SNX14: variants seen among roughly 807,000 people sequenced by gnomAD.
SNX14 encodes sorting nexin 14.
Under a neutral mutation model 133.8 loss-of-function variants are expected in SNX14, and 93 were observed. The observed-to-expected ratio is 0.70, with a 90% CI of 0.59 to 0.83. SNX14 has a LOEUF of 0.83. Among genes scored for constraint, SNX14 ranks in the 40% least tolerant of loss-of-function variants. The probability of loss-of-function intolerance (pLI) is 0.00; values close to 1 mark genes in which losing one functional copy is unlikely to be tolerated. For synonymous variants in SNX14, 368 were observed against 365.6 expected, an observed-to-expected ratio of 1.01 and a Z score of -0.07; for missense variants, 945 against 1,094.9, an observed-to-expected ratio of 0.86 and a Z score of 1.93.
At chr6:85,577,272 GCTGGGC>G (rs1307802112) in intron 1 of SNX14, among the ~76,000 whole-genome samples, 5 of 152,038 alleles carry the variant, frequency 3.3e-5, no homozygotes, top group African/African-American at 7.2e-5. Context: ...ATAAAAATTG[GCTGGGC>G]ATGGTGGCGC....
chr6:85,509,544 G>A (rs1211526054), intron 26 of SNX14, among the ~76,000 whole-genome samples: 1 of 152,116 alleles, frequency 6.6e-6, no homozygotes, highest in Non-Finnish European at 1.5e-5. Flanking sequence ...TTTTAAAGTA[G>A]TTTTGTGTTC....
chr6:85,540,996 C>CTT lies in SNX14; in HGVS notation c.1448+987_1448+988dup, dbSNP rs748469763. On this transcript the variant is annotated intron_variant, in intron 15 of 28. Coordinates refer to ENST00000314673, the MANE Select transcript of SNX14 (RefSeq NM_153816.6). ...ATAATAAGTTAAAAGAGTTTCTTAACTTTTTTTTTTTTTTTTTGAAACAGT... is the reference window on the plus strand; with the variant it reads ...ATAATAAGTTAAAAGAGTTTCTTAACTTTTTTTTTTTTTTTTTTTGAAACAGT... Among the ~76,000 whole-genome samples the CTT allele has an allele frequency of 3.3e-3, 455 of 138,108 alleles. 3 individuals are homozygous for CTT. The highest frequency in any genetic ancestry group is 0.011 in the African/African-American group (413 of 37,826). 90.6% of individuals were successfully genotyped at this position (138,108 alleles called of 152,430 possible). A position where few individuals can be genotyped will look rare whatever the true frequency, so the allele number is the denominator to read the frequency against.
At chr6:85,580,007 G>A (rs1798554292) in intron 1 of SNX14, among the ~76,000 whole-genome samples, 1 of 152,154 alleles carries the variant, frequency 6.6e-6, no homozygotes, top group African/African-American at 2.4e-5. Flanking sequence ...TGTTTACCAA[G>A]GCAGCTAAGG....
rs1021117782 is a variant in SNX14 at position 85,534,192 on chromosome 6, G to A, written c.1609-392C>T. Among the ~76,000 whole-genome samples, 13 of 152,172 alleles carry A rather than the reference G, an allele frequency of 8.5e-5. No homozygotes were observed. The South Asian group carries it at 1.0e-3, about 12-fold the overall frequency. ...TCTGAAAGATAATGTCAGGCTGGGCGCATTGGCTTTCACCTGTAATCCCAG... is the reference window on the plus strand; with the variant it reads ...TCTGAAAGATAATGTCAGGCTGGGCACATTGGCTTTCACCTGTAATCCCAG... On this transcript the variant is annotated intron_variant, in intron 17 of 28. Coordinates refer to ENST00000314673, the MANE Select transcript of SNX14 (RefSeq NM_153816.6).
intron 17 of SNX14, among the ~76,000 whole-genome samples, chr6:85,536,581 G>A (rs1782020342): frequency 6.6e-6 from 1 of 151,972 alleles, no homozygotes; most frequent in South Asian, 2.1e-4. Flanking sequence ...ACAGTTCTCA[G>A]GAATTTTAAA....
intron 12 of SNX14, among the ~76,000 whole-genome samples, chr6:85,544,448 G>A (rs1784852126): frequency 6.6e-6 from 1 of 152,150 alleles, no homozygotes. Context: ...TATAACTGGA[G>A]TTGTTAAAGA....
In SNX14 at chr6:85,538,864, T is replaced by A; in HGVS notation, c.1449A>T (p.Arg483Ser). The A allele has an allele frequency of 1.3e-6, 2 of 1,596,606 alleles. No individual in the cohort carries two copies. Among genetic ancestry groups the A allele is most frequent in the Non-Finnish European group, 1.7e-6 (2 of 1,172,994 alleles). Residue 483 changes from arginine (R) to serine (S), a missense_variant and splice_region_variant, in exon 16 of 29, where the codon AGA becomes AGT. By Grantham distance (110) the Arg-to-Ser change is moderately radical. Coordinates refer to ENST00000314673, the MANE Select transcript of SNX14 (RefSeq NM_153816.6). ...GAAAATCATCCAAACTTAGGCTACC[T>A]CTGCAATAACAGGTATGTGAAATAA... ...ESPTRNSKLNRGSLSLDDFRN... is the reference protein window; with the variant it reads ...ESPTRNSKLNSGSLSLDDFRN...
At chr6:85,537,134 G>A (rs1007317028) in intron 16 of SNX14, 2 of 394,108 alleles carry the variant, frequency 5.1e-6, no homozygotes, top group Non-Finnish European at 8.9e-6. Flanking sequence ...TAAATTTGGT[G>A]GATGAATAAA....
chr6:85,515,091 C>G (rs1234251643), intron 23 of SNX14, among the ~76,000 whole-genome samples: 2 of 151,604 alleles, frequency 1.3e-5, no homozygotes, highest in South Asian at 4.2e-4. Context: ...ATGGTGAAAC[C>G]CCATCTCTAC....
At chr6:85,586,668 A>T (rs1416736352) in intron 1 of SNX14, among the ~76,000 whole-genome samples, 3 of 151,624 alleles carry the variant, frequency 2.0e-5, no homozygotes, top group Non-Finnish European at 4.4e-5. Flanking sequence ...GTAGCCTTGA[A>T]CTCTTGGCTC....
chr6:85,512,089 T>C (rs2127781758), intron 26 of SNX14, among the ~76,000 whole-genome samples: 1 of 152,308 alleles, frequency 6.6e-6, no homozygotes, highest in East Asian at 1.9e-4. Context: ...GAGTTGGGTA[T>C]TTCCCTTCTT....
intron 17 of SNX14, among the ~76,000 whole-genome samples, chr6:85,536,043 C>A (rs1390314302): frequency 6.6e-6 from 1 of 152,064 alleles, no homozygotes; most frequent in Non-Finnish European, 1.5e-5. Flanking sequence ...ATAGGAAAGA[C>A]AATCATAACA....
chr6:85,569,706 T>G (rs954865367), intron 4 of SNX14, among the ~76,000 whole-genome samples: 1 of 152,180 alleles, frequency 6.6e-6, no homozygotes, highest in African/African-American at 2.4e-5. Context: ...ATATGAAACT[T>G]GAGAAAATTA....
chr6:85,593,796 C>T lies in SNX14; in HGVS notation c.-78G>A. 1.3e-6 allele frequency: 2 copies of T among 1,586,636 alleles called. No individual in the cohort carries two copies. The highest frequency in any genetic ancestry group is 1.7e-6 in the Non-Finnish European group (2 of 1,171,148). The stretch of plus-strand genomic sequence containing the variant: ...CGACCCCCCATCCACACCTCGCGTC[C>T]CCGCCCCACCGACTTGGCGGCGCAC... On this transcript the variant is annotated 5_prime_UTR_variant, in exon 1 of 29. Coordinates refer to ENST00000314673, the MANE Select transcript of SNX14 (RefSeq NM_153816.6).
Position 85,517,810 on chromosome 6 carries a change from T to C in SNX14, c.2214A>G (p.Lys738=). Residue 738 remains lysine, a synonymous_variant, in exon 23 of 29, where the codon AAA becomes AAG. Coordinates refer to ENST00000314673, the MANE Select transcript of SNX14 (RefSeq NM_153816.6). ...GAATGGTCAGTTCTGGTCTACTTGG[T>C]TTAGGCTTTGGAGACTCACAAGAAT... The part of the protein sequence containing the change: ...FINSCESPKP[K]PSRPELTILS... 1 of 1,612,116 alleles carries C rather than the reference T, an allele frequency of 6.2e-7. No homozygotes were observed. The highest frequency in any genetic ancestry group is 8.5e-7 in the Non-Finnish European group (1 of 1,179,386).
rs1197372491 is a variant in SNX14 at position 85,542,030 on chromosome 6, A to G, written c.1403T>C (p.Leu468Pro). 1.3e-6 allele frequency: 2 copies of G among 1,584,658 alleles called. No individual in the cohort carries two copies. The highest frequency in any genetic ancestry group is 1.7e-6 in the Non-Finnish European group (2 of 1,165,814). ...TGTTGGTGATTCTGCACCTCTTAAA[A>G]GTTGTCTGAAATACTTTAAAATAAC... is the stretch of plus-strand genomic sequence containing the variant. ...FCHSDEYFRQ[L>P]LRGAESPTRN... The change falls in exon 15 of 29, where the codon CTT becomes CCT. Residue 468 changes from leucine to proline, a missense_variant. Transcript: ENST00000314673.
intron 16 of SNX14, among the ~76,000 whole-genome samples, chr6:85,538,223 G>C (rs917961328): frequency 6.6e-6 from 1 of 151,788 alleles, no homozygotes; most frequent in Admixed American, 6.6e-5. Context: ...GCAGTAAAAG[G>C]GGTACTTAAA....
intron 12 of SNX14, among the ~76,000 whole-genome samples, chr6:85,545,563 T>C (rs963564735): frequency 6.6e-6 from 1 of 152,190 alleles, no homozygotes; most frequent in African/African-American, 2.4e-5. Context: ...TTTATAATGA[T>C]AAAAGAATAA....
intron 1 of SNX14, among the ~76,000 whole-genome samples, chr6:85,587,961 G>A (rs941891165): frequency 6.6e-6 from 1 of 152,110 alleles, no homozygotes; most frequent in Admixed American, 6.5e-5. Context: ...CAGCAGGGGA[G>A]GAGCGGGGGG....
Sources: gnomAD v4.1 joint callset for allele counts (sites outside exome capture counted in the v4.1 genomes callset) on GRCh38, gnomAD v4.1.1 for gene constraint, MANE v1.5 for transcripts, NCBI Gene and HGNC (gene_info 2026-07-23, HGNC 2026-07-21) for gene names.